RASSF4: variants seen among roughly 807,000 people sequenced by gnomAD.
The protein encoded by RASSF4 is Ras association domain family member 4, also known as ras association domain-containing protein 4.
RASSF4 carries 38 observed loss-of-function variants against 41.1 expected under a neutral mutation model. The observed-to-expected ratio is 0.92, with a 90% CI of 0.71 to 1.21. The LOEUF (loss-of-function observed/expected upper bound fraction) is 1.21. Among genes scored for constraint, RASSF4 ranks in the 50% most tolerant of loss-of-function variants. The probability of loss-of-function intolerance (pLI) is 0.00; values close to 1 mark genes in which losing one functional copy is unlikely to be tolerated. For synonymous variants in RASSF4, 179 were observed against 163.4 expected, an observed-to-expected ratio of 1.10 and a Z score of -0.73; for missense variants, 414 against 419.4, an observed-to-expected ratio of 0.99 and a Z score of 0.11.
intron 1 of RASSF4, among the ~76,000 whole-genome samples, chr10:44,967,153 T>A (rs1840931648): frequency 6.6e-6 from 1 of 152,128 alleles, no homozygotes; most frequent in Non-Finnish European, 1.5e-5. Flanking sequence ...CCAGTGTGGG[T>A]TGGCAGACAG....
intron 3 of RASSF4, among the ~76,000 whole-genome samples, chr10:44,980,053 C>T (rs1799209278): frequency 1.3e-5 from 2 of 152,180 alleles, no homozygotes; most frequent in African/African-American, 2.4e-5. Context: ...ACCTGGAACA[C>T]GCCTGCCTGT....
chr10:44,982,657 GC>G lies in RASSF4; in HGVS notation c.278del (p.Pro93LeufsTer2). On this transcript the variant is annotated frameshift_variant, in exon 4 of 11. Transcript: ENST00000340258. LOFTEE classifies it high-confidence loss of function. ...TCATGGATGCCCAGACGGCCTAGCT[GC>G]CCTCTGTGAGTACCCGGTGGCTTCT... ...STSWMPRRPSCPLKEPSPQNG... is the reference protein window; with the variant it reads ...STSWMPRRPSXPLKEPSPQNG... 6.2e-7 allele frequency: 1 copy of G among 1,612,996 alleles called. No homozygotes were observed. The highest frequency in any genetic ancestry group is 1.1e-5 in the South Asian group (1 of 90,994).
At chr10:44,970,316 C>T in intron 2 of RASSF4, 52 bp downstream of exon 2, 1 of 1,481,122 alleles carries the variant, frequency 6.8e-7, no homozygotes, top group Non-Finnish European at 9.4e-7. Flanking sequence ...TTGCCATCCC[C>T]CTCATCCTGG....
chr10:44,982,422 A>T (rs1343051971), intron 3 of RASSF4, 99 bp from the exon 4 acceptor site: 3 of 1,436,400 alleles, frequency 2.1e-6, no homozygotes, highest in African/African-American at 2.8e-5. Context: ...AGGAGGAGGG[A>T]TGTGCAAGGC....
chr10:44,991,126 CG>C, intron 9 of RASSF4, 57 bp downstream of exon 9: 1 of 1,532,578 alleles, frequency 6.5e-7, no homozygotes, highest in Non-Finnish European at 8.8e-7. Context: ...TCTTGGGTGA[CG>C]GGGCCTCCCA....
At chr10:44,968,834 C>A (rs1841013050) in intron 1 of RASSF4, among the ~76,000 whole-genome samples, 1 of 152,186 alleles carries the variant, frequency 6.6e-6, no homozygotes. Context: ...GAGCAGAGCT[C>A]TGTCGTGGGC....
intron 3 of RASSF4, among the ~76,000 whole-genome samples, chr10:44,974,653 C>G (rs1219110656): frequency 1.3e-5 from 2 of 152,186 alleles, no homozygotes; most frequent in Non-Finnish European, 2.9e-5. Flanking sequence ...CCCTCACCCG[C>G]AGCACCGGCA....
chr10:44,962,465 G>T (rs536006933), intron 1 of RASSF4, among the ~76,000 whole-genome samples: 19 of 152,342 alleles, frequency 1.2e-4, no homozygotes, highest in African/African-American at 4.6e-4. Flanking sequence ...TGACCCAAAA[G>T]ATTCTGGGAC....
At chr10:44,990,890 G>C in intron 8 of RASSF4, 58 bp from the exon 9 acceptor site, 1 of 1,570,908 alleles carries the variant, frequency 6.4e-7, no homozygotes, top group Non-Finnish European at 8.7e-7. Flanking sequence ...TCCTAATCTG[G>C]AACAGACAGA....
intron 2 of RASSF4, chr10:44,971,078 C>T: frequency 4.5e-6 from 1 of 219,850 alleles, no homozygotes. Context: ...CTAACATGTA[C>T]TAGAAGATTG....
chr10:44,971,590 A>G (rs1283131797), intron 2 of RASSF4, 183 bp from the exon 3 acceptor site: 4 of 696,222 alleles, frequency 5.7e-6, no homozygotes, highest in South Asian at 3.0e-5. Context: ...CACCAGGGCC[A>G]TGTGCAGAAC....
intron 8 of RASSF4, 87 bp downstream of exon 8, chr10:44,989,808 C>A: frequency 8.3e-7 from 1 of 1,198,852 alleles, no homozygotes; most frequent in Non-Finnish European, 1.2e-6. Flanking sequence ...ACTGACTGTA[C>A]TCCCTTCCAG....
At position 44,993,327 on chromosome 10, in the gene RASSF4, T is replaced by A. The variant is rs1440399563; in HGVS notation, c.964T>A (p.Ter322LysextTer30). Residue 322 changes from the stop codon to lysine, a stop_lost, in exon 11 of 11, where the codon TAA (stop) becomes AAA (lysine). Coordinates refer to ENST00000340258, the MANE Select transcript of RASSF4 (RefSeq NM_032023.4). The part of the protein sequence containing the change: ...QRLEQLVEAK[*>K] ...CCTGGAGCAGCTGGTGGAGGCCAAG[T>A]AACTGGCCAACACCTGCCTCTTCCA... 2 of 1,602,874 alleles carry A rather than the reference T, an allele frequency of 1.2e-6. No individual in the cohort carries two copies. Among genetic ancestry groups the A allele is most frequent in the South Asian group, 2.2e-5 (2 of 90,514 alleles).
intron 1 of RASSF4, among the ~76,000 whole-genome samples, chr10:44,963,492 G>A (rs540057564): frequency 9.9e-5 from 15 of 152,282 alleles, no homozygotes; most frequent in South Asian, 8.3e-4. Context: ...CCCTGCTGCC[G>A]TTGTGGCTGG....
At chr10:44,990,276 A>G (rs1385147970) in intron 8 of RASSF4, among the ~76,000 whole-genome samples, 3 of 152,234 alleles carry the variant, frequency 2.0e-5, no homozygotes, top group Non-Finnish European at 4.4e-5. Flanking sequence ...ATTTAGGTTC[A>G]CTGGCTGGGG....
In RASSF4 at chr10:44,969,727, T is replaced by G. The variant is rs117414492; in HGVS notation, c.-38-438T>G. 3.7e-3 allele frequency among the ~76,000 whole-genome samples: 557 copies of G among 152,310 alleles called. 23 individuals carry two copies. In the East Asian group the frequency reaches 0.082, roughly 22 times the overall value. The stretch of plus-strand genomic sequence containing the variant: ...GGGAACACAGTGCCGACTAACCCAC[T>G]GCCAGGACAGCCAGTGATGGGCCAC... On this transcript the variant is annotated intron_variant, in intron 1 of 10. Coordinates refer to ENST00000340258, the MANE Select transcript of RASSF4 (RefSeq NM_032023.4).
chr10:44,969,015 T>C (rs1841023262), intron 1 of RASSF4, among the ~76,000 whole-genome samples: 1 of 151,786 alleles, frequency 6.6e-6, no homozygotes, highest in Non-Finnish European at 1.5e-5. Context: ...TGTGTGTGTG[T>C]GCATGTGAGC....
At chr10:44,973,002 C>T (rs1336763164) in intron 3 of RASSF4, among the ~76,000 whole-genome samples, 4 of 152,232 alleles carry the variant, frequency 2.6e-5, no homozygotes, top group Non-Finnish European at 4.4e-5. Context: ...GGCGTCCCCT[C>T]GGCTGGCCAG....
At chr10:44,983,372 C>T (rs1377103082) in intron 4 of RASSF4, 1 of 194,488 alleles carries the variant, frequency 5.1e-6, no homozygotes, top group Admixed American at 5.5e-5. Context: ...TTCTGAGGCA[C>T]ACAGAATTAG....
Sources: gnomAD v4.1 joint callset for allele counts (sites outside exome capture counted in the v4.1 genomes callset) on GRCh38, gnomAD v4.1.1 for gene constraint, MANE v1.5 for transcripts, NCBI Gene and HGNC (gene_info 2026-07-23, HGNC 2026-07-21) for gene names.